ADCY8: variants seen among roughly 807,000 people sequenced by gnomAD.
ADCY8 encodes adenylate cyclase type 8.
In ADCY8, 51 loss-of-function variants were observed where a neutral mutation model predicts 119.7. The observed-to-expected ratio is 0.43, with a 90% CI of 0.34 to 0.54. The LOEUF (loss-of-function observed/expected upper bound fraction) is 0.54. Ranked by LOEUF, ADCY8 falls within the 20% of genes least tolerant of loss-of-function variation. The pLI is 0.03. For synonymous variants in ADCY8, 665 were observed against 651.0 expected (o/e 1.02, Z -0.33); for missense variants, 1,383 against 1,598.8 (o/e 0.87, Z 2.30).
intron 16 of ADCY8, 65 bp downstream of exon 16, chr8:130,785,318 C>A (rs1016712849): frequency 8.8e-7 from 1 of 1,135,570 alleles, no homozygotes; most frequent in South Asian, 1.7e-5. Flanking sequence ...GCTTCACCAC[C>A]GTCGGTGACA....
At chr8:130,970,503 A>G (rs112433846) in intron 2 of ADCY8, among the ~76,000 whole-genome samples, 4,954 of 152,290 alleles carry the variant, frequency 0.033, 201 homozygotes, top group African/African-American at 0.091. Context: ...ATGGTGACTC[A>G]TATAATTATT....
intron 1 of ADCY8, among the ~76,000 whole-genome samples, chr8:131,003,554 G>C (rs1823019893): frequency 6.6e-6 from 1 of 152,112 alleles, no homozygotes; most frequent in African/African-American, 2.4e-5. Context: ...GGGAACGTCT[G>C]TTTACACACT....
chr8:130,854,294 AG>A (rs1296974979), intron 9 of ADCY8, among the ~76,000 whole-genome samples: 1 of 152,252 alleles, frequency 6.6e-6, no homozygotes, highest in Non-Finnish European at 1.5e-5. Context: ...AGTCTCAAAA[AG>A]AATGACTAGT....
At chr8:131,017,597 A>G (rs116580812) in intron 1 of ADCY8, among the ~76,000 whole-genome samples, 6,925 of 152,058 alleles carry the variant, frequency 0.046, 574 homozygotes, top group African/African-American at 0.16. Context: ...AAAGCCCCCC[A>G]TCTACTCCCC....
intron 5 of ADCY8, among the ~76,000 whole-genome samples, chr8:130,922,205 T>G (rs1004135377): frequency 1.3e-5 from 2 of 149,744 alleles, no homozygotes; most frequent in African/African-American, 2.5e-5. Context: ...ATAAATTCCC[T>G]TTCTTTTTTT....
intron 2 of ADCY8, among the ~76,000 whole-genome samples, chr8:130,985,290 G>A (rs996600047): frequency 6.6e-6 from 1 of 152,180 alleles, no homozygotes; most frequent in African/African-American, 2.4e-5. Flanking sequence ...GGTGACATTT[G>A]AGCTGAGTTT....
intron 11 of ADCY8, among the ~76,000 whole-genome samples, chr8:130,842,367 T>A (rs1037108358): frequency 1.3e-5 from 2 of 152,190 alleles, no homozygotes; most frequent in African/African-American, 4.8e-5. Flanking sequence ...TTCAATCTCC[T>A]CATCTTTCTC....
chr8:130,949,941 T>C (rs1821221566), intron 3 of ADCY8, among the ~76,000 whole-genome samples: 1 of 152,210 alleles, frequency 6.6e-6, no homozygotes, highest in South Asian at 2.1e-4. Flanking sequence ...TCTAAATCAG[T>C]GTAGCTCAAT....
rs1164122439 is a variant in ADCY8 at position 131,040,189 on chromosome 8, G to T, written c.145C>A (p.Arg49Ser). ...CCTCCCCGGTGCCCGTGAATGAAGC[G>T]CTGCTCCGTGATGTGTCGCACCGCC... ...QTAVRHITEQ[R>S]FIHGHRGGSG... The change falls in exon 1 of 18, where the codon CGC becomes AGC. Residue 49 changes from arginine to serine, a missense_variant. By Grantham distance (110) the Arg-to-Ser change is moderately radical (BLOSUM62 -1). Transcript: ENST00000286355. The T allele has an allele frequency of 2.0e-6, 3 of 1,534,760 alleles. No individual in the cohort carries two copies. The highest frequency in any genetic ancestry group is 2.6e-6 in the Non-Finnish European group (3 of 1,146,738).
At chr8:130,943,497 G>GCCCC in intron 3 of ADCY8, 35 bp from the exon 4 acceptor site, 1 of 491,350 alleles carries the variant, frequency 2.0e-6, no homozygotes, top group Admixed American at 2.2e-5. Flanking sequence ...GTGGGGGGAG[G>GCCCC]AAGTATATTA....
intron 1 of ADCY8, among the ~76,000 whole-genome samples, chr8:131,003,206 T>TCACACACACACACACA (rs1554624274): frequency 5.1e-5 from 7 of 137,486 alleles, no homozygotes; most frequent in African/African-American, 8.4e-5. Flanking sequence ...TGAAACACCA[T>TCACACACACACACACA]CACACACACA....
At chr8:131,023,447 G>A (rs1823735746) in intron 1 of ADCY8, among the ~76,000 whole-genome samples, 1 of 152,136 alleles carries the variant, frequency 6.6e-6, no homozygotes, top group South Asian at 2.1e-4. Context: ...TGCCTTGGTA[G>A]GTCACAGAGC....
intron 1 of ADCY8, among the ~76,000 whole-genome samples, chr8:131,011,642 A>G (rs765283889): frequency 6.6e-6 from 1 of 152,186 alleles, no homozygotes; most frequent in Non-Finnish European, 1.5e-5. Context: ...GGTTTGTTAT[A>G]GCTTTGGGGA....
intron 5 of ADCY8, among the ~76,000 whole-genome samples, chr8:130,931,707 T>A (rs991781882): frequency 6.6e-6 from 1 of 152,180 alleles, no homozygotes; most frequent in African/African-American, 2.4e-5. Flanking sequence ...TTCTTCTGCC[T>A]GAGAAATTCT....
intron 3 of ADCY8, among the ~76,000 whole-genome samples, chr8:130,946,864 G>C (rs542077209): frequency 6.6e-6 from 1 of 152,250 alleles, no homozygotes; most frequent in Non-Finnish European, 1.5e-5. Context: ...TGCTTTAACT[G>C]AGCCGTAGAT....
intron 6 of ADCY8, among the ~76,000 whole-genome samples, chr8:130,908,866 C>T (rs1819876518): frequency 6.6e-6 from 1 of 152,120 alleles, no homozygotes; most frequent in South Asian, 2.1e-4. Context: ...GTCTGTTTCC[C>T]CCATGATAAC....
At chr8:130,803,908 A>T (rs1815861206) in intron 14 of ADCY8, among the ~76,000 whole-genome samples, 1 of 152,238 alleles carries the variant, frequency 6.6e-6, no homozygotes, top group Non-Finnish European at 1.5e-5. Flanking sequence ...TATCCAAAAG[A>T]GCACAGGCAG....
At chr8:130,815,520 AT>A (rs1816309228) in intron 13 of ADCY8, among the ~76,000 whole-genome samples, 1 of 152,208 alleles carries the variant, frequency 6.6e-6, no homozygotes, top group South Asian at 2.1e-4. Flanking sequence ...TATTATTGTC[AT>A]TTCTTATTTT....
At position 130,847,404 on chromosome 8, in the gene ADCY8, G is replaced by C. The variant is rs926528609; in HGVS notation, c.2502+20C>G. On this transcript the variant is annotated intron_variant, in intron 11 of 17. Transcript: ENST00000286355. The stretch of plus-strand genomic sequence containing the variant: ...ATATCTATGTCCAACTCTCACCAAG[G>C]GGAGCTCATAAATAAATACCTCTGG... 2.6e-6 allele frequency: 4 copies of C among 1,563,772 alleles called. No individual in the cohort carries two copies. The African/African-American group carries it at 5.4e-5, about 21-fold the overall frequency.
Sources: gnomAD v4.1 joint callset for allele counts (sites outside exome capture counted in the v4.1 genomes callset) on GRCh38, gnomAD v4.1.1 for gene constraint, MANE v1.5 for transcripts, NCBI Gene and HGNC (gene_info 2026-07-23, HGNC 2026-07-21) for gene names.